RABGAP1L: variants seen among roughly 807,000 people sequenced by gnomAD.
RABGAP1L encodes the protein rab GTPase-activating protein 1-like.
A neutral mutation model predicts 137.7 loss-of-function variants in RABGAP1L; 63 were observed. That is an observed-to-expected ratio of 0.46 (90% confidence interval 0.37 to 0.56). The LOEUF (loss-of-function observed/expected upper bound fraction) is 0.56. Among genes scored for constraint, RABGAP1L ranks in the 20% least tolerant of loss-of-function variants. The pLI, the probability that RABGAP1L is intolerant of heterozygous loss-of-function variation, is 0.00. For missense variants in RABGAP1L, 1,095 were observed against 1,244.0 expected (o/e 0.88, Z 1.80); for synonymous variants, 431 against 433.7 (o/e 0.99, Z 0.08).
intron 10 of RABGAP1L, among the ~76,000 whole-genome samples, chr1:174,302,854 A>G (rs1279993583): frequency 6.6e-6 from 1 of 152,228 alleles, no homozygotes; most frequent in Admixed American, 6.5e-5. Context: ...AAAAAGCATA[A>G]AAGGAAAATT....
chr1:174,714,031 AG>A (rs1360809723), intron 17 of RABGAP1L, among the ~76,000 whole-genome samples: 1 of 152,200 alleles, frequency 6.6e-6, no homozygotes, highest in East Asian at 1.9e-4. Flanking sequence ...TTTGGCCTGC[AG>A]TTATTCCCTT....
At chr1:174,295,491 C>A (rs1157798458) in intron 10 of RABGAP1L, among the ~76,000 whole-genome samples, 1 of 152,040 alleles carries the variant, frequency 6.6e-6, no homozygotes, top group Non-Finnish European at 1.5e-5. Context: ...TCAAGCGATT[C>A]TCTTGCCTCA....
In RABGAP1L at chr1:174,560,943, A is replaced by G. The variant is rs180949103; in HGVS notation, c.1711-76432A>G. Among the ~76,000 whole-genome samples the G allele has an allele frequency of 2.2e-4, 34 of 152,282 alleles. 1 individual carries two copies. The highest frequency in any genetic ancestry group is 1.3e-3 in the Admixed American group (20 of 15,292). On this transcript the variant is annotated intron_variant, in intron 13 of 25. Coordinates refer to ENST00000681986, the MANE Select transcript of RABGAP1L (RefSeq NM_001366446.1). ...TCACATAAATTATTTACGGAAACAT[A>G]CTTCTTGTAATGCAATTAGTCTTAT...
rs1239331686 is a variant in RABGAP1L, at chr1:174,987,798, TAG to T, written c.2806-840_2806-839del. 3.9e-5 allele frequency among the ~76,000 whole-genome samples: 6 copies of T among 152,234 alleles called. 1 individual carries two copies. The South Asian group carries it at 1.0e-3, about 26-fold the overall frequency. On this transcript the variant is annotated intron_variant, in intron 24 of 25. Transcript: ENST00000681986. ...CCCGATTGGCAATGCGGGCATGTGG[TAG>T]AGTTATTTTATTTTATTTTTATTTT... is the stretch of plus-strand genomic sequence containing the variant.
At chr1:174,668,738 G>A (rs1056583167) in intron 14 of RABGAP1L, among the ~76,000 whole-genome samples, 79 of 152,088 alleles carry the variant, frequency 5.2e-4, no homozygotes, top group Admixed American at 5.2e-3. Context: ...CAACGTGCAA[G>A]GGTTTCTTTT....
At chr1:174,238,001 C>T (rs1323735161) in intron 4 of RABGAP1L, among the ~76,000 whole-genome samples, 1 of 151,546 alleles carries the variant, frequency 6.6e-6, no homozygotes, top group Non-Finnish European at 1.5e-5. Flanking sequence ...AACTTCCCTT[C>T]TCACTTCATT....
At chr1:174,889,633 G>T (rs1655790308) in intron 19 of RABGAP1L, among the ~76,000 whole-genome samples, 1 of 151,782 alleles carries the variant, frequency 6.6e-6, no homozygotes, top group African/African-American at 2.4e-5. Context: ...GTCTCACATT[G>T]TTGCTTAGGT....
intron 7 of RABGAP1L, among the ~76,000 whole-genome samples, chr1:174,252,820 A>C (rs1672823072): frequency 6.6e-6 from 1 of 152,240 alleles, no homozygotes; most frequent in Non-Finnish European, 1.5e-5. Flanking sequence ...TAACTGCTAC[A>C]ACTGGGTTTG....
intron 19 of RABGAP1L, among the ~76,000 whole-genome samples, chr1:174,851,918 T>C (rs985148044): frequency 8.5e-5 from 13 of 152,304 alleles, no homozygotes; most frequent in South Asian, 8.3e-4. Flanking sequence ...ATTTCTGATA[T>C]GATAGTGCAA....
At chr1:174,701,148 A>G (rs1262833496) in intron 16 of RABGAP1L, 4 of 1,304,692 alleles carry the variant, frequency 3.1e-6, no homozygotes, top group Non-Finnish European at 4.0e-6. Context: ...CAGTTATGGT[A>G]ATAGCTATGC....
In RABGAP1L at chr1:174,320,814, T is replaced by A. The variant is rs182389682; in HGVS notation, c.1465+15687T>A. ...CCTCAGGACCCTGTGATGATTGTGT[T>A]AACTGCACAAACTGTTCGTAAAGCA... On this transcript the variant is annotated intron_variant, in intron 11 of 25. Coordinates refer to ENST00000681986, the MANE Select transcript of RABGAP1L (RefSeq NM_001366446.1). 5.3e-4 allele frequency among the ~76,000 whole-genome samples: 81 copies of A among 152,292 alleles called. 1 individual carries two copies. Among genetic ancestry groups the A allele is most frequent in the Admixed American group, 1.8e-3 (27 of 15,294 alleles).
intron 23 of RABGAP1L, among the ~76,000 whole-genome samples, chr1:174,980,824 A>G (rs757185897): frequency 1.3e-5 from 2 of 152,216 alleles, no homozygotes; most frequent in Non-Finnish European, 2.9e-5. Context: ...CGAATACCAG[A>G]GTCCAACTGT....
At chr1:174,849,296 T>C (rs968476878) in intron 19 of RABGAP1L, among the ~76,000 whole-genome samples, 1 of 152,050 alleles carries the variant, frequency 6.6e-6, no homozygotes, top group Non-Finnish European at 1.5e-5. Flanking sequence ...CTATCACATA[T>C]GAAGAATGAA....
intron 1 of RABGAP1L, among the ~76,000 whole-genome samples, chr1:174,180,375 A>G (rs1666252381): frequency 3.3e-5 from 5 of 152,234 alleles, no homozygotes; most frequent in Admixed American, 3.3e-4. Flanking sequence ...TAATGATACA[A>G]TGATAGTGAT....
intron 13 of RABGAP1L, among the ~76,000 whole-genome samples, chr1:174,440,791 A>T (rs1654039007): frequency 6.6e-6 from 1 of 152,044 alleles, no homozygotes; most frequent in Non-Finnish European, 1.5e-5. Flanking sequence ...TCCTGACCTC[A>T]AGTTGATCTG....
In RABGAP1L at chr1:174,553,908, TG is replaced by T. The variant is rs568190153; in HGVS notation, c.1711-83464del. The stretch of plus-strand genomic sequence containing the variant: ...TTGGCAGGGCTGAGGTGATAGAATT[TG>T]GGCCGGGGAGGTCGAATCTGCAGTG... On this transcript the variant is annotated intron_variant, in intron 13 of 25. Coordinates refer to ENST00000681986, the MANE Select transcript of RABGAP1L (RefSeq NM_001366446.1). Among the ~76,000 whole-genome samples the T allele has an allele frequency of 9.2e-5, 14 of 152,208 alleles. No homozygotes were observed. In the South Asian group the frequency reaches 2.9e-3, roughly 32 times the overall value.
intron 19 of RABGAP1L, among the ~76,000 whole-genome samples, chr1:174,833,080 C>G (rs1307082277): frequency 6.6e-6 from 1 of 152,142 alleles, no homozygotes; most frequent in Non-Finnish European, 1.5e-5. Context: ...AGAGTCTTTG[C>G]TTTACTACCT....
chr1:174,389,855 A>G (rs1326282947), intron 12 of RABGAP1L, among the ~76,000 whole-genome samples: 1 of 152,078 alleles, frequency 6.6e-6, no homozygotes, highest in Non-Finnish European at 1.5e-5. Flanking sequence ...ATTAATAGAT[A>G]TTTGATTTAT....
chr1:174,444,752 T>G (rs1451346224), intron 13 of RABGAP1L, among the ~76,000 whole-genome samples: 1 of 152,112 alleles, frequency 6.6e-6, no homozygotes, highest in Middle Eastern at 3.2e-3. Flanking sequence ...AAGTCTCCAA[T>G]GATCCTTTGT....
Sources: allele counts gnomAD v4.1 joint callset (sites outside exome capture counted in the v4.1 genomes callset), GRCh38; gene constraint gnomAD v4.1.1; transcripts MANE v1.5; gene names NCBI Gene and HGNC (gene_info 2026-07-23, HGNC 2026-07-21).